GRIP1: variants seen among roughly 807,000 people sequenced by gnomAD.
GRIP1 encodes glutamate receptor-interacting protein 1.
In GRIP1, 45 loss-of-function variants were observed where a neutral mutation model predicts 129.9. The observed-to-expected ratio is 0.35, with a 90% CI of 0.27 to 0.44. The LOEUF (loss-of-function observed/expected upper bound fraction) is 0.44. Ranked by LOEUF, GRIP1 falls within the 20% of genes least tolerant of loss-of-function variation. GRIP1 has a pLI of 1.00. For missense variants in GRIP1, 1,196 were observed against 1,396.8 expected, an observed-to-expected ratio of 0.86 and a Z score of 2.29; for synonymous variants, 530 against 520.8, an observed-to-expected ratio of 1.02 and a Z score of -0.24.
At position 66,445,443 on chromosome 12, in the gene GRIP1, C is replaced by T. The variant is rs765433058; in HGVS notation, c.1420G>A (p.Val474Met). Reference protein sequence around the residue: ...QVVHTETTEVVLTADPVTGFG... With the variant: ...QVVHTETTEVMLTADPVTGFG... ...CCTGTGACAGGATCTGCCGTCAGCA[C>T]AACCTCTGTGGTTTCTGTGTGAACA... The change falls in exon 12 of 25, where the codon GTG (valine) becomes ATG (methionine). Residue 474 changes from valine (V) to methionine (M), a missense_variant. Val to Met is a conservative substitution (Grantham distance 21). Transcript: ENST00000359742. 3.7e-6 allele frequency: 6 copies of T among 1,614,112 alleles called. No individual in the cohort carries two copies. The highest frequency in any genetic ancestry group is 1.7e-5 in the Admixed American group (1 of 60,030).
chr12:66,650,134 G>A (rs915720364), intron 1 of GRIP1, among the ~76,000 whole-genome samples: 8 of 152,242 alleles, frequency 5.3e-5, no homozygotes, highest in Middle Eastern at 3.4e-3. Context: ...GCCCAACGGC[G>A]GGTAGCTCCA....
chr12:67,039,018 A>AAC (rs10562551), intron 1 of GRIP1, among the ~76,000 whole-genome samples: 3,879 of 149,004 alleles, frequency 0.026, 136 homozygotes, highest in East Asian at 0.098. Context: ...ACAAATAATA[A>AAC]ACACACACAC....
rs141113585 is a variant in GRIP1, at chr12:66,421,452, G to C, written c.1769-663C>G. 1.5e-3 allele frequency among the ~76,000 whole-genome samples: 223 copies of C among 152,236 alleles called. 7 individuals carry two copies. The East Asian group carries it at 0.036, about 25-fold the overall frequency. On this transcript the variant is annotated intron_variant, in intron 14 of 24. Transcript: ENST00000359742. ...CCAGCTACTTGGGAGACTGAGGCAG[G>C]AGAATTGCTTTTACCCAGGAGGCAG...
chr12:66,458,553 T>G (rs2059037711), intron 9 of GRIP1, among the ~76,000 whole-genome samples: 1 of 152,036 alleles, frequency 6.6e-6, no homozygotes, highest in South Asian at 2.1e-4. Context: ...CCCAGCTAAT[T>G]TTTGTATTTT....
At chr12:66,947,814 G>A (rs377204467) in intron 1 of GRIP1, among the ~76,000 whole-genome samples, 70 of 152,286 alleles carry the variant, frequency 4.6e-4, no homozygotes, top group Middle Eastern at 3.4e-3. Flanking sequence ...CAATAACCAA[G>A]TACAAGACAC....
chr12:66,693,240 T>C (rs2035040933), intron 1 of GRIP1, among the ~76,000 whole-genome samples: 1 of 152,166 alleles, frequency 6.6e-6, no homozygotes, highest in Non-Finnish European at 1.5e-5. Flanking sequence ...GTAAGTACGC[T>C]CGTTTTGCCT....
At chr12:66,989,840 A>G (rs2042368341) in intron 1 of GRIP1, among the ~76,000 whole-genome samples, 1 of 152,248 alleles carries the variant, frequency 6.6e-6, no homozygotes, top group Non-Finnish European at 1.5e-5. Context: ...AACTGCAGAA[A>G]TAAATACAAT....
At chr12:66,906,846 T>A (rs1235233441) in intron 1 of GRIP1, among the ~76,000 whole-genome samples, 1 of 152,238 alleles carries the variant, frequency 6.6e-6, no homozygotes, top group African/African-American at 2.4e-5. Context: ...TATTTTAAAG[T>A]AATTTTAAAC....
rs1362693881 is a variant in GRIP1, at chr12:66,596,835, G to A, written c.136+12C>T. The A allele has an allele frequency of 6.3e-7, 1 of 1,575,202 alleles. No homozygotes were observed. The highest frequency in any genetic ancestry group is 8.7e-7 in the Non-Finnish European group (1 of 1,144,566). ...AGTAAAACAGCTGAAAAATCCAACA[G>A]TCTGGTCTAACCTGGGATGCTCTGT... On this transcript the variant is annotated intron_variant, in intron 2 of 24. Transcript: ENST00000359742.
chr12:66,573,391 G>A (rs1372960234), intron 2 of GRIP1, among the ~76,000 whole-genome samples: 1 of 152,078 alleles, frequency 6.6e-6, no homozygotes, highest in African/African-American at 2.4e-5. Flanking sequence ...CAGAAACTGT[G>A]GGATAATAAA....
intron 1 of GRIP1, among the ~76,000 whole-genome samples, chr12:66,834,742 C>G (rs1165030344): frequency 1.3e-5 from 2 of 151,672 alleles, no homozygotes; most frequent in African/African-American, 4.8e-5. Context: ...GATACAATAC[C>G]AAAGGCATGA....
chr12:66,687,099 A>G (rs569936405), intron 1 of GRIP1, among the ~76,000 whole-genome samples: 3 of 152,232 alleles, frequency 2.0e-5, no homozygotes, highest in South Asian at 2.1e-4. Context: ...AAACAAAAAC[A>G]AAAACCACTA....
At chr12:66,908,164 T>C (rs964786780) in intron 1 of GRIP1, among the ~76,000 whole-genome samples, 8 of 152,186 alleles carry the variant, frequency 5.3e-5, no homozygotes, top group African/African-American at 1.9e-4. Flanking sequence ...CTAAATGTCC[T>C]AGTCTTGGCC....
intron 7 of GRIP1, 26 bp from the exon 8 acceptor site, chr12:66,465,448 CAAAACAAAT>C (rs768111423): frequency 3.1e-6 from 5 of 1,595,476 alleles, no homozygotes; most frequent in Admixed American, 1.7e-5. Context: ...TTTTAGAAAA[CAAAACAAAT>C]AAAACAAATA....
chr12:66,892,943 G>T (rs12319388), intron 1 of GRIP1, among the ~76,000 whole-genome samples: 16,724 of 152,192 alleles, frequency 0.11, 1,028 homozygotes, highest in Admixed American at 0.18. Context: ...TCCAGCCTAG[G>T]TGATAGAGCA....
At chr12:66,723,297 TTTC>T in intron 1 of GRIP1, among the ~76,000 whole-genome samples, 1 of 36,328 alleles carries the variant, frequency 2.8e-5, no homozygotes, top group East Asian at 1.2e-3. Flanking sequence ...TCTTTCTTTC[TTTC>T]TTTCTTTTTT....
intron 1 of GRIP1, among the ~76,000 whole-genome samples, chr12:66,721,856 GT>G (rs2136448639): frequency 6.6e-6 from 1 of 152,284 alleles, no homozygotes; most frequent in South Asian, 2.1e-4. Context: ...GTACTTTTAT[GT>G]TATGGAGACA....
intron 1 of GRIP1, among the ~76,000 whole-genome samples, chr12:66,839,070 C>G (rs2039668078): frequency 6.6e-6 from 1 of 152,014 alleles, no homozygotes; most frequent in East Asian, 1.9e-4. Context: ...TGAGCATTAT[C>G]ATAGCGACTA....
At chr12:66,593,466 T>A (rs2139730150) in intron 2 of GRIP1, among the ~76,000 whole-genome samples, 1 of 152,344 alleles carries the variant, frequency 6.6e-6, no homozygotes, top group East Asian at 1.9e-4. Context: ...AAAGTTACTC[T>A]GTATTAGTCA....
Sources: allele counts gnomAD v4.1 joint callset (sites outside exome capture counted in the v4.1 genomes callset), GRCh38; gene constraint gnomAD v4.1.1; transcripts MANE v1.5; gene names NCBI Gene and HGNC (gene_info 2026-07-23, HGNC 2026-07-21).